The following TMEM132B variants were observed in gnomAD, a reference collection of about 807,000 sequenced individuals.
TMEM132B encodes the protein transmembrane protein 132B.
A neutral mutation model predicts 90.8 loss-of-function variants in TMEM132B; 18 were observed. That is an observed-to-expected ratio of 0.20 (90% CI 0.14 to 0.29). The LOEUF (loss-of-function observed/expected upper bound fraction) is 0.29, where lower values mean the gene tolerates loss of function less well. TMEM132B is among the 10% of genes least tolerant of loss of function. TMEM132B has a pLI of 1.00. For missense variants in TMEM132B, 1,096 were observed against 1,326.8 expected (o/e 0.83, Z 2.70); for synonymous variants, 504 against 523.3 (o/e 0.96, Z 0.50).
Position 125,349,706 on chromosome 12 carries a change from T to C in TMEM132B, c.322T>C (p.Leu108=), listed in dbSNP as rs760619455. The C allele has an allele frequency of 1.9e-6, 3 of 1,614,216 alleles. No homozygotes were observed. The highest frequency in any genetic ancestry group is 2.5e-6 in the Non-Finnish European group (3 of 1,180,036). Residue 108 remains leucine, a synonymous_variant, in exon 2 of 9, where the codon TTG becomes CTG. Transcript: ENST00000682704. This position sits in a 1 kb window ranked among gnomAD's most constrained non-coding sequence, Gnocchi z 4.1. ...VEKIIPQELL[L]TSTAFGNMDK... ...GAAGATAATCCCCCAGGAGCTCCTGTTGACATCTACAGCCTTTGGAAACAT... is the reference window on the plus strand; with the variant it reads ...GAAGATAATCCCCCAGGAGCTCCTGCTGACATCTACAGCCTTTGGAAACAT...
At chr12:125,651,233 A>G (rs1886909790) in intron 7 of TMEM132B, among the ~76,000 whole-genome samples, 1 of 152,222 alleles carries the variant, frequency 6.6e-6, no homozygotes. Context: ...TGAAACATGT[A>G]GTGTAAATAA....
chr12:125,511,851 C>CA (rs35364069), intron 3 of TMEM132B, among the ~76,000 whole-genome samples: 37,245 of 110,796 alleles, frequency 0.34, 5,672 homozygotes, highest in East Asian at 0.38. Context: ...GACTCTATCT[C>CA]AAAAAAAAAA....
intron 4 of TMEM132B, among the ~76,000 whole-genome samples, chr12:125,543,640 C>T (rs542686052): frequency 9.9e-5 from 15 of 152,258 alleles, no homozygotes; most frequent in South Asian, 2.1e-4. Flanking sequence ...AATCCTTTTC[C>T]GTTGCTTGTT....
chr12:125,580,971 G>A (rs1456734462), intron 4 of TMEM132B, among the ~76,000 whole-genome samples: 1 of 152,134 alleles, frequency 6.6e-6, no homozygotes, highest in Admixed American at 6.5e-5. Context: ...TTCTCATTGT[G>A]CTAGGTAAGT....
chr12:125,346,881 G>C (rs1019358247), intron 1 of TMEM132B, among the ~76,000 whole-genome samples: 12 of 152,244 alleles, frequency 7.9e-5, no homozygotes, highest in African/African-American at 2.9e-4. Flanking sequence ...TGACACTACA[G>C]ATTTGTTGAA....
rs2137056946 is a variant in TMEM132B at position 125,654,080 on chromosome 12, T to C, written c.2622T>C (p.Phe874=). 1 of 1,614,178 alleles carries C rather than the reference T, an allele frequency of 6.2e-7. No homozygotes were observed. The highest frequency in any genetic ancestry group is 8.5e-7 in the Non-Finnish European group (1 of 1,180,032). Residue 874 remains phenylalanine (F), a synonymous_variant, in exon 9 of 9, where the codon TTT becomes TTC. Coordinates refer to ENST00000682704, the MANE Select transcript of TMEM132B (RefSeq NM_001366854.1). The surrounding 1 kb of genome is among the most constrained non-coding windows in gnomAD (Gnocchi z 5.8). ...TCAAAAGTGGTGGTCCAGATGCCTTTACAAGCTTCCCCACTCAAGGGAAGT... is the reference window on the plus strand; with the variant it reads ...TCAAAAGTGGTGGTCCAGATGCCTTCACAAGCTTCCCCACTCAAGGGAAGT... ...KLLKSGGPDA[F]TSFPTQGKSP... is the part of the protein sequence containing the mutation.
rs1395735868 is a variant in TMEM132B at position 125,658,375 on chromosome 12, T to G, written c.*3665T>G. ...CGGGGCCCTGTCAGAGAACTATTAT[T>G]AAGGCTCTGTGAGGGAACTGTTCAG... On this transcript the variant is annotated 3_prime_UTR_variant, in exon 9 of 9. Transcript: ENST00000682704. 6.6e-6 allele frequency: 1 copy of G among 152,230 alleles called. No individual in the cohort carries two copies. Among genetic ancestry groups the G allele is most frequent in the East Asian group, 1.9e-4 (1 of 5,198 alleles). The allele number at this position is 152,230 out of a possible 1,614,324, so 9.4% of individuals were successfully genotyped here.
chr12:125,230,378 A>G (rs114005564), intron 1 of TMEM132B, among the ~76,000 whole-genome samples: 5,659 of 152,232 alleles, frequency 0.037, 130 homozygotes, highest in Non-Finnish European at 0.049. Flanking sequence ...CAGCGACAGC[A>G]TCTGGAGACC....
chr12:125,457,638 T>C (rs547965635), intron 3 of TMEM132B, among the ~76,000 whole-genome samples: 120 of 152,222 alleles, frequency 7.9e-4, no homozygotes, highest in South Asian at 1.7e-3. Context: ...AATAGTTGAT[T>C]TGGCTGGTGA....
At chr12:125,426,236 A>G (rs116692064) in intron 3 of TMEM132B, among the ~76,000 whole-genome samples, 1,697 of 152,250 alleles carry the variant, frequency 0.011, 30 homozygotes, top group African/African-American at 0.037. Context: ...ATTGCCGTCT[A>G]TATATCTTCT....
intron 5 of TMEM132B, among the ~76,000 whole-genome samples, chr12:125,623,719 G>T (rs1041709845): frequency 6.6e-6 from 1 of 152,178 alleles, no homozygotes; most frequent in Non-Finnish European, 1.5e-5. Context: ...AGATGAGTCA[G>T]TCTCCTTCAC....
intron 5 of TMEM132B, chr12:125,586,195 T>C (rs1885175515): frequency 6.6e-6 from 1 of 151,976 alleles, no homozygotes. Flanking sequence ...TTAGGGAGAG[T>C]CTTGCAGGGC....
intron 2 of TMEM132B, among the ~76,000 whole-genome samples, chr12:125,387,280 A>T (rs555128416): frequency 2.0e-5 from 3 of 152,332 alleles, no homozygotes; most frequent in Admixed American, 2.0e-4. Flanking sequence ...ACTGTAGCTT[A>T]GTCCACAAGC....
At chr12:125,516,885 G>A (rs1395706853) in intron 3 of TMEM132B, among the ~76,000 whole-genome samples, 2 of 152,200 alleles carry the variant, frequency 1.3e-5, no homozygotes, top group Non-Finnish European at 2.9e-5. Context: ...AGCATCTCTC[G>A]TAGGAGGTGA....
chr12:125,415,548 G>T lies in TMEM132B; in HGVS notation c.977G>T (p.Gly326Val). Residue 326 changes from glycine to valine, a missense_variant, in exon 3 of 9, where the codon GGT (glycine) becomes GTT (valine). Coordinates refer to ENST00000682704, the MANE Select transcript of TMEM132B (RefSeq NM_001366854.1). This position sits in a 1 kb window ranked among gnomAD's most constrained non-coding sequence, Gnocchi z 5.3. ...CCCCACAGAATTAAGGCGGCAGCAG[G>T]TGTGAAGATAACGGCAGTGAGAGTC... ...QFTLRIKAAAGVKITAVRVSS... is the reference protein window; with the variant it reads ...QFTLRIKAAAVVKITAVRVSS... 1 of 1,614,180 alleles carries T rather than the reference G, an allele frequency of 6.2e-7. No homozygotes were observed. The highest frequency in any genetic ancestry group is 2.2e-5 in the East Asian group (1 of 44,888).
intron 1 of TMEM132B, among the ~76,000 whole-genome samples, chr12:125,267,128 G>A (rs1874713999): frequency 6.6e-6 from 1 of 152,154 alleles, no homozygotes. Context: ...GCTCAGAAAA[G>A]ACCGTTTTTT....
At chr12:125,289,741 C>G (rs1414686176) in intron 1 of TMEM132B, among the ~76,000 whole-genome samples, 1 of 152,218 alleles carries the variant, frequency 6.6e-6, no homozygotes, top group Non-Finnish European at 1.5e-5. Flanking sequence ...CATCAAGTCA[C>G]TTGACTGAGG....
chr12:125,211,475 G>A (rs370468746), intron 1 of TMEM132B, among the ~76,000 whole-genome samples: 16 of 152,148 alleles, frequency 1.1e-4, no homozygotes, highest in Admixed American at 7.9e-4. Context: ...GAGGGGGAGC[G>A]AGGCTGCTCC....
intron 5 of TMEM132B, among the ~76,000 whole-genome samples, chr12:125,631,756 T>A (rs996827555): frequency 6.6e-6 from 1 of 152,140 alleles, no homozygotes; most frequent in Non-Finnish European, 1.5e-5. Flanking sequence ...TTGTCTCTTC[T>A]TAGAGTTTTG....
Sources: allele counts gnomAD v4.1 joint callset (sites outside exome capture counted in the v4.1 genomes callset), GRCh38; gene constraint gnomAD v4.1.1; non-coding constraint Gnocchi (gnomAD v3.1); transcripts MANE v1.5; gene names NCBI Gene and HGNC (gene_info 2026-07-23, HGNC 2026-07-21).